Variants in SEPTIN9 observed in about 807,000 individuals in gnomAD.
SEPTIN9 encodes the protein septin-9.
In SEPTIN9, 13 loss-of-function variants were observed where a neutral mutation model predicts 56.6. The observed-to-expected ratio is 0.23, with a 90% CI of 0.15 to 0.37. The LOEUF is 0.37. Among genes scored for constraint, SEPTIN9 ranks in the 10% least tolerant of loss-of-function variants. The pLI is 1.00. For missense variants in SEPTIN9, 650 were observed against 823.1 expected, an observed-to-expected ratio of 0.79 and a Z score of 2.57; for synonymous variants, 332 against 334.1, an observed-to-expected ratio of 0.99 and a Z score of 0.07.
intron 2 of SEPTIN9, among the ~76,000 whole-genome samples, chr17:77,324,087 C>T (rs571133520): frequency 3.3e-4 from 51 of 152,336 alleles, no homozygotes; most frequent in Non-Finnish European, 6.0e-4. Context: ...TTCCTTGGCT[C>T]GTGGCCACAC....
At chr17:77,289,602 G>A (rs1183468148) in intron 1 of SEPTIN9, among the ~76,000 whole-genome samples, 1 of 149,228 alleles carries the variant, frequency 6.7e-6, no homozygotes, top group South Asian at 2.1e-4. Flanking sequence ...CAGACGGGGT[G>A]TCCCCATGTT....
Position 77,465,895 on chromosome 17 carries a change from A to G in SEPTIN9, c.722-16249A>G, listed in dbSNP as rs1299476436. Reference sequence around the variant, plus strand: ...GGCTGGGCTGAGGCTGGGGGAAGTGACTTTTATTTTTCTGAGAGGATTCTT... The same window carrying G: ...GGCTGGGCTGAGGCTGGGGGAAGTGGCTTTTATTTTTCTGAGAGGATTCTT... On this transcript the variant is annotated intron_variant, in intron 3 of 11. Transcript: ENST00000427177. Among the ~76,000 whole-genome samples the G allele has an allele frequency of 2.0e-5, 3 of 151,932 alleles. No homozygotes were observed. The East Asian group carries it at 5.8e-4, about 29-fold the overall frequency.
rs2034663106 is a variant in SEPTIN9 at position 77,369,695 on chromosome 17, A to T, written c.77-32364A>T. Among the ~76,000 whole-genome samples, 1 of 152,130 alleles carries T rather than the reference A, an allele frequency of 6.6e-6. No individual in the cohort carries two copies. Among genetic ancestry groups the T allele is most frequent in the South Asian group, 2.1e-4 (1 of 4,834 alleles). On this transcript the variant is annotated intron_variant, in intron 2 of 11. Transcript: ENST00000427177. The surrounding 1 kb of genome is among the most constrained non-coding windows in gnomAD (Gnocchi z 4.9). ...TCTATGAGGACACAGCCTGCCACCT[A>T]ATGGGGTGTCCCGTCTGGAGCCTCA...
At chr17:77,477,536 T>C (rs1426927744) in intron 3 of SEPTIN9, among the ~76,000 whole-genome samples, 2 of 152,200 alleles carry the variant, frequency 1.3e-5, no homozygotes, top group Non-Finnish European at 2.9e-5. Flanking sequence ...CACGCATCTG[T>C]TGGCGGATGT....
intron 2 of SEPTIN9, among the ~76,000 whole-genome samples, chr17:77,382,178 C>T (rs935830524): frequency 7.2e-5 from 11 of 152,148 alleles, no homozygotes; most frequent in Admixed American, 6.5e-4. Flanking sequence ...CAGGCACGCA[C>T]CACCACGCCC....
chr17:77,493,458 G>A (rs1370562363), intron 10 of SEPTIN9, among the ~76,000 whole-genome samples: 11 of 152,138 alleles, frequency 7.2e-5, no homozygotes, highest in African/African-American at 9.7e-5. Context: ...ATGGACCCTC[G>A]GCCCCTTACC....
intron 4 of SEPTIN9, chr17:77,482,888 T>C (rs1476212006): frequency 6.5e-6 from 2 of 306,316 alleles, no homozygotes; most frequent in Non-Finnish European, 1.2e-5. Flanking sequence ...GAGTCTACAG[T>C]GGGCCGCCTG....
chr17:77,331,733 G>A (rs564367244), intron 2 of SEPTIN9, among the ~76,000 whole-genome samples: 59 of 152,280 alleles, frequency 3.9e-4, no homozygotes, highest in Non-Finnish European at 7.4e-4. Context: ...AGAATGCACC[G>A]GAGGGCAGAT....
rs116243534 is a variant in SEPTIN9 at position 77,329,037 on chromosome 17, G to A, written c.76+21840G>A. Among the ~76,000 whole-genome samples, 262 of 152,328 alleles carry A rather than the reference G, an allele frequency of 1.7e-3. No individual in the cohort carries two copies. The highest frequency in any genetic ancestry group is 6.3e-3 in the African/African-American group (260 of 41,562). On this transcript the variant is annotated intron_variant, in intron 2 of 11. Transcript: ENST00000427177. This position sits in a 1 kb window ranked among gnomAD's most constrained non-coding sequence, Gnocchi z 4.3. ...CCGAGGCTGGAGCCTGGGGAAGGTG[G>A]GAGTGGCTGGAGTGTGTTTTCAGAG...
Position 77,487,374 on chromosome 17 carries a change from T to A in SEPTIN9, c.914-50T>A, listed in dbSNP as rs1231623616. 29 of 1,560,066 alleles carry A rather than the reference T, an allele frequency of 1.9e-5. No individual in the cohort carries two copies. In the Admixed American group the frequency reaches 1.9e-4, roughly 10 times the overall value. On this transcript the variant is annotated intron_variant, in intron 4 of 11. Transcript: ENST00000427177. This position sits in a 1 kb window ranked among gnomAD's most constrained non-coding sequence, Gnocchi z 4.3. The stretch of plus-strand genomic sequence containing the variant: ...TGGGAGGGGCCCCATGTGCAGACCC[T>A]GCTGGTCTCTCCGGAGAGACCCCTG...
chr17:77,425,006 T>TA lies in SEPTIN9; in HGVS notation c.721+22304dup, dbSNP rs1308423117. On this transcript the variant is annotated intron_variant, in intron 3 of 11. Coordinates refer to ENST00000427177, the MANE Select transcript of SEPTIN9 (RefSeq NM_001113491.2). The surrounding 1 kb of genome is among the most constrained non-coding windows in gnomAD (Gnocchi z 4.2). ...CAGTAGGGTGAGGGTAACCAGGACT[T>TA]ACGCATAGTTGGGCGAAGTCGAGTG... is the stretch of plus-strand genomic sequence containing the variant. Among the ~76,000 whole-genome samples, 5 of 152,192 alleles carry TA rather than the reference T, an allele frequency of 3.3e-5. No individual in the cohort carries two copies. Among genetic ancestry groups the TA allele is most frequent in the East Asian group, 1.9e-4 (1 of 5,188 alleles).
At chr17:77,410,619 C>T (rs541325755) in intron 3 of SEPTIN9, among the ~76,000 whole-genome samples, 2 of 152,366 alleles carry the variant, frequency 1.3e-5, no homozygotes, top group African/African-American at 2.4e-5. Context: ...TCCGTTTTCT[C>T]ATTGTGGAAG....
chr17:77,341,857 C>A (rs1286198326), intron 2 of SEPTIN9, among the ~76,000 whole-genome samples: 5 of 149,212 alleles, frequency 3.4e-5, no homozygotes, highest in African/African-American at 1.2e-4. Flanking sequence ...CCGAGGCGGG[C>A]AGATCATGAG....
intron 2 of SEPTIN9, among the ~76,000 whole-genome samples, chr17:77,393,526 C>T (rs969283534): frequency 3.3e-5 from 5 of 152,310 alleles, no homozygotes; most frequent in South Asian, 2.1e-4. Flanking sequence ...ATGGTAATTA[C>T]ACCAGCAACA....
At chr17:77,415,198 G>C (rs2036454941) in intron 3 of SEPTIN9, among the ~76,000 whole-genome samples, 1 of 152,220 alleles carries the variant, frequency 6.6e-6, no homozygotes, top group Non-Finnish European at 1.5e-5. Context: ...GAGGTGGCCA[G>C]GTGGAGGCGG....
At position 77,429,720 on chromosome 17, in the gene SEPTIN9, G is replaced by A. The variant is rs1181593138; in HGVS notation, c.721+27017G>A. Among the ~76,000 whole-genome samples, 1 of 152,050 alleles carries A rather than the reference G, an allele frequency of 6.6e-6. No homozygotes were observed. Among genetic ancestry groups the A allele is most frequent in the African/African-American group, 2.4e-5 (1 of 41,392 alleles). On this transcript the variant is annotated intron_variant, in intron 3 of 11. Transcript: ENST00000427177. This position sits in a 1 kb window ranked among gnomAD's most constrained non-coding sequence, Gnocchi z 5.2. ...AGGGAGGCCCTGCTGGCTGGGCCTG[G>A]TTTTCAAGTGAGCATCCTGAGCTGC...
chr17:77,408,059 C>T (rs1019754801), intron 3 of SEPTIN9, among the ~76,000 whole-genome samples: 1 of 152,040 alleles, frequency 6.6e-6, no homozygotes, highest in Non-Finnish European at 1.5e-5. Flanking sequence ...GCTCAGCGCT[C>T]GTTCATGGGT....
intron 3 of SEPTIN9, chr17:77,444,816 GAAGT>G: frequency 3.8e-6 from 1 of 264,830 alleles, no homozygotes; most frequent in Non-Finnish European, 7.7e-6. Flanking sequence ...CTCGGGCTAA[GAAGT>G]AAGTGGGCGG....
At position 77,319,704 on chromosome 17, in the gene SEPTIN9, C is replaced by T. The variant is rs1338868774; in HGVS notation, c.76+12507C>T. ...AGGACAGAGGAAGGCGAGGCAGGCA[C>T]GCAGGAACTGGGCTTTTTAAACCCT... is the stretch of plus-strand genomic sequence containing the variant. On this transcript the variant is annotated intron_variant, in intron 2 of 11. Coordinates refer to ENST00000427177, the MANE Select transcript of SEPTIN9 (RefSeq NM_001113491.2). The surrounding 1 kb of genome is among the most constrained non-coding windows in gnomAD (Gnocchi z 5.3). 6 of 1,066,536 alleles carry T rather than the reference C, an allele frequency of 5.6e-6. No individual in the cohort carries two copies. Among genetic ancestry groups the T allele is most frequent in the African/African-American group, 1.6e-5 (1 of 60,958 alleles). 66.1% of individuals were successfully genotyped at this position (1,066,536 alleles called of 1,614,324 possible).
Sources: allele counts gnomAD v4.1 joint callset (sites outside exome capture counted in the v4.1 genomes callset), GRCh38; gene constraint gnomAD v4.1.1; non-coding constraint Gnocchi (gnomAD v3.1); transcripts MANE v1.5; gene names NCBI Gene and HGNC (gene_info 2026-07-23, HGNC 2026-07-21).